Variants in TRNT1 observed in about 807,000 individuals in gnomAD.
The protein encoded by TRNT1 is tRNA nucleotidyl transferase 1, also known as CCA tRNA nucleotidyltransferase 1, mitochondrial.
Under a neutral mutation model 45.6 loss-of-function variants are expected in TRNT1, and 44 were observed. That is an observed-to-expected ratio of 0.97 (90% CI 0.76 to 1.24). The LOEUF is 1.24. Among genes scored for constraint, TRNT1 ranks in the 50% most tolerant of loss-of-function variants. TRNT1 has a pLI of 0.00. For synonymous variants in TRNT1, 201 were observed against 171.4 expected (o/e 1.17, Z -1.35); for missense variants, 633 against 504.4 (o/e 1.25, Z -2.44).
At chr3:3,129,364 C>G in intron 2 of TRNT1, 176 bp downstream of exon 2, 1 of 582,074 alleles carries the variant, frequency 1.7e-6, no homozygotes, top group South Asian at 2.2e-5. Flanking sequence ...CTCCTGGGCT[C>G]ACTCCTTGGC....
intron 2 of TRNT1, among the ~76,000 whole-genome samples, chr3:3,134,359 C>A (rs1705198836): frequency 6.6e-6 from 1 of 152,180 alleles, no homozygotes; most frequent in South Asian, 2.1e-4. Context: ...ATACGTCTTT[C>A]TCAGTTGTCT....
At chr3:3,142,584 T>C (rs573563363) in intron 4 of TRNT1, among the ~76,000 whole-genome samples, 1 of 152,382 alleles carries the variant, frequency 6.6e-6, no homozygotes, top group South Asian at 2.1e-4. Flanking sequence ...TGATGCTTAC[T>C]AAGCTTTGTG....
downstream of TRNT1, chr3:3,153,193 T>C (rs1032237458): frequency 1.3e-5 from 6 of 468,088 alleles, no homozygotes; most frequent in African/African-American, 3.9e-5. Flanking sequence ...AATTTCTCAG[T>C]TGTTTTACTT....
intron 3 of TRNT1, among the ~76,000 whole-genome samples, chr3:3,139,803 T>G (rs1325634694): frequency 6.6e-6 from 1 of 152,156 alleles, no homozygotes; most frequent in South Asian, 2.1e-4. Flanking sequence ...CTCGACTCAC[T>G]GCAGCCTCTG....
intron 4 of TRNT1, among the ~76,000 whole-genome samples, chr3:3,143,698 C>T (rs1005291882): frequency 2.8e-5 from 3 of 105,548 alleles, no homozygotes; most frequent in Non-Finnish European, 7.8e-5. Context: ...GCCCACTTGC[C>T]GAAACCCTGT....
At chr3:3,144,211 CT>C (rs1705836948) in intron 4 of TRNT1, among the ~76,000 whole-genome samples, 1 of 152,060 alleles carries the variant, frequency 6.6e-6, no homozygotes, top group Non-Finnish European at 1.5e-5. Context: ...AAATATTTTC[CT>C]CGTTTCTTCT....
chr3:3,148,131 C>T lies in TRNT1; in HGVS notation c.1282C>T (p.Leu428=), dbSNP rs1386183033. ...SGYQMEKDEL[L]SYIKKT Reference sequence around the variant, plus strand: ...TTACCAAATGGAAAAAGATGAACTTCTGAGTTACATAAAGAAGACCTAAAA... The same window carrying T: ...TTACCAAATGGAAAAAGATGAACTTTTGAGTTACATAAAGAAGACCTAAAA... The change falls in exon 8 of 8, where the codon CTG becomes TTG. Residue 428 remains leucine (L), a synonymous_variant. Coordinates refer to ENST00000251607, the MANE Select transcript of TRNT1 (RefSeq NM_182916.3). The T allele has an allele frequency of 1.2e-6, 2 of 1,613,532 alleles. No individual in the cohort carries two copies. Among genetic ancestry groups the T allele is most frequent in the South Asian group, 1.1e-5 (1 of 91,036 alleles).
chr3:3,147,039 T>G (rs186806280), intron 6 of TRNT1, among the ~76,000 whole-genome samples: 11 of 152,340 alleles, frequency 7.2e-5, no homozygotes, highest in Middle Eastern at 3.4e-3. Flanking sequence ...GTAATTCATT[T>G]TCACAGAGAA....
downstream of TRNT1, among the ~76,000 whole-genome samples, chr3:3,151,942 C>T (rs1394349816): frequency 6.6e-6 from 1 of 152,154 alleles, no homozygotes; most frequent in Non-Finnish European, 1.5e-5. Context: ...AGAATATGGT[C>T]CAGATATAAA....
chr3:3,152,232 C>T (rs1355845417), downstream of TRNT1, among the ~76,000 whole-genome samples: 1 of 151,486 alleles, frequency 6.6e-6, no homozygotes, highest in Non-Finnish European at 1.5e-5. Context: ...CTCACTGCAA[C>T]ACTCTTGCCT....
rs183596892 is a variant in TRNT1 at position 3,129,107 on chromosome 3, C to G, written c.67C>G (p.Pro23Ala). Residue 23 changes from proline (P) to alanine (A), a missense_variant, in exon 2 of 8, where the codon CCG (proline) becomes GCG (alanine). Coordinates refer to ENST00000251607, the MANE Select transcript of TRNT1 (RefSeq NM_182916.3). Reference sequence around the variant, plus strand: ...CCGTAGGTGGAGTAGGCTGTGCCTTCCGAAGCAGTATCTATTCACAATGAA... The same window carrying G: ...CCGTAGGTGGAGTAGGCTGTGCCTTGCGAAGCAGTATCTATTCACAATGAA... ...LNRRWSRLCL[P>A]KQYLFTMKLQ... The G allele has an allele frequency of 3.8e-4, 606 of 1,614,136 alleles. 5 individuals carry two copies. The East Asian group carries it at 0.011, about 30-fold the overall frequency.
rs559270270 is a variant in TRNT1 at position 3,133,119 on chromosome 3, G to A, written c.148+3931G>A. On this transcript the variant is annotated intron_variant, in intron 2 of 7. Transcript: ENST00000251607. ...CAAATCTTAATAGCTGCTTTGCCAT[G>A]TGTAAAATTAGTTTTCAGTATGCAA... Among the ~76,000 whole-genome samples, 15 of 152,280 alleles carry A rather than the reference G, an allele frequency of 9.9e-5. No homozygotes were observed. In the East Asian group the frequency reaches 2.9e-3, roughly 29 times the overall value.
chr3:3,128,597 TCAAAAAAAAAAAA>T (rs777884806), intron 1 of TRNT1, among the ~76,000 whole-genome samples: 3 of 7,880 alleles, frequency 3.8e-4, no homozygotes, highest in Non-Finnish European at 8.0e-4. Context: ...AGACTCCATC[TCAAAAAAAAAAAA>T]AAAAAAAAAA....
At chr3:3,151,147 G>T (rs1396187166), downstream of TRNT1, 1 of 1,199,852 alleles carries the variant, frequency 8.3e-7, no homozygotes, top group African/African-American at 1.5e-5. Context: ...AAATTCTAAG[G>T]ATTAGAGATT....
chr3:3,133,206 G>T (rs181178023), intron 2 of TRNT1, among the ~76,000 whole-genome samples: 2 of 152,162 alleles, frequency 1.3e-5, no homozygotes, highest in Admixed American at 1.3e-4. Flanking sequence ...AATTTGTCAG[G>T]TTATTTTATG....
At chr3:3,140,815 G>GCTCA (rs1705602342) in intron 4 of TRNT1, 167 bp downstream of exon 4, 12 of 811,522 alleles carry the variant, frequency 1.5e-5, no homozygotes, top group Non-Finnish European at 2.2e-5. Context: ...GGGCACGGTG[G>GCTCA]GTCACGCCTG....
At chr3:3,152,427 A>G, downstream of TRNT1, 2 of 1,602,312 alleles carry the variant, frequency 1.2e-6, no homozygotes, top group African/African-American at 1.4e-5. Flanking sequence ...AAAAAAGAAA[A>G]AAAAAAGCAA....
At chr3:3,129,899 A>G (rs1198254988) in intron 2 of TRNT1, 1 of 1,550,632 alleles carries the variant, frequency 6.4e-7, no homozygotes, top group South Asian at 1.2e-5. Context: ...TGCAACCGCT[A>G]AGCTCTGTTT....
downstream of TRNT1, among the ~76,000 whole-genome samples, chr3:3,151,966 A>G (rs1706588791): frequency 6.6e-6 from 1 of 152,324 alleles, no homozygotes; most frequent in East Asian, 1.9e-4. Flanking sequence ...CTACTGGGTC[A>G]TAAGACAGCT....
Sources: allele counts gnomAD v4.1 joint callset (sites outside exome capture counted in the v4.1 genomes callset), GRCh38; gene constraint gnomAD v4.1.1; transcripts MANE v1.5; gene names NCBI Gene and HGNC (gene_info 2026-07-23, HGNC 2026-07-21).